Variants in RNF141 observed in about 807,000 individuals in gnomAD.
The protein encoded by RNF141 is ring finger protein 141, also known as C3HC4-like zinc finger protein.
RNF141 carries 18 observed loss-of-function variants against 27.4 expected under a neutral mutation model. That is an observed-to-expected ratio of 0.66 (90% confidence interval 0.45 to 0.97). RNF141 has a LOEUF of 0.97. Among genes scored for constraint, RNF141 ranks in the 50% least tolerant of loss-of-function variants. The pLI is 0.00. For synonymous variants in RNF141, 97 were observed against 96.6 expected, an observed-to-expected ratio of 1.00 and a Z score of -0.02; for missense variants, 230 against 279.4, an observed-to-expected ratio of 0.82 and a Z score of 1.26.
chr11:10,531,588 C>G (rs1483021488), intron 2 of RNF141, among the ~76,000 whole-genome samples: 7 of 152,144 alleles, frequency 4.6e-5, no homozygotes, highest in African/African-American at 1.7e-4. Flanking sequence ...CTCTACTGTC[C>G]TCCCCTAGCA....
chr11:10,523,489 TAATC>T (rs1422616958), intron 4 of RNF141, among the ~76,000 whole-genome samples: 1 of 152,224 alleles, frequency 6.6e-6, no homozygotes, highest in Non-Finnish European at 1.5e-5. Context: ...ACCCTGTAAG[TAATC>T]AATAAATGTA....
chr11:10,531,159 G>A (rs998662160), intron 2 of RNF141, among the ~76,000 whole-genome samples: 1 of 151,982 alleles, frequency 6.6e-6, no homozygotes, highest in Non-Finnish European at 1.5e-5. Context: ...GGCAGATCAC[G>A]AGGTCAGGAG....
intron 2 of RNF141, chr11:10,532,035 A>T (rs1413909310): frequency 1.5e-5 from 7 of 451,806 alleles, no homozygotes; most frequent in Non-Finnish European, 3.1e-5. Context: ...TAAAAGGAAG[A>T]CCTCTGTATC....
At chr11:10,533,226 T>A (rs1354411513) in intron 2 of RNF141, among the ~76,000 whole-genome samples, 1 of 152,186 alleles carries the variant, frequency 6.6e-6, no homozygotes, top group Non-Finnish European at 1.5e-5. Context: ...AAAAGTCATA[T>A]TTTAAAAGCA....
At chr11:10,522,897 T>A (rs1849901191) in intron 4 of RNF141, among the ~76,000 whole-genome samples, 1 of 152,200 alleles carries the variant, frequency 6.6e-6, no homozygotes, top group Non-Finnish European at 1.5e-5. Context: ...CAGTTTGATT[T>A]GTCAAAAAAA....
rs1564864731 is a variant in RNF141 at position 10,514,952 on chromosome 11, G to T, written c.657C>A (p.Asn219Lys). 1 of 1,613,754 alleles carries T rather than the reference G, an allele frequency of 6.2e-7. No individual in the cohort carries two copies. Among genetic ancestry groups the T allele is most frequent in the Non-Finnish European group, 8.5e-7 (1 of 1,179,854 alleles). The change falls in exon 6 of 6, where the codon AAC becomes AAA. Residue 219 changes from asparagine to lysine, a missense_variant. Physicochemically the swap from Asn to Lys is moderately conservative, Grantham distance 94. Coordinates refer to ENST00000265981, the MANE Select transcript of RNF141 (RefSeq NM_016422.4). ...TEDDMANYIL[N>K]MADEAGQPHR... Reference sequence around the variant, plus strand: ...GGGGCTGGCCTGCCTCATCAGCCATGTTAAGAATATAGTTAGCCATATCAT... The same window carrying T: ...GGGGCTGGCCTGCCTCATCAGCCATTTTAAGAATATAGTTAGCCATATCAT...
chr11:10,522,230 T>C (rs1469248531), intron 4 of RNF141, among the ~76,000 whole-genome samples: 1 of 152,206 alleles, frequency 6.6e-6, no homozygotes, highest in Non-Finnish European at 1.5e-5. Context: ...AGTTTCTCAG[T>C]AGCAGAGAAT....
At position 10,530,683 on chromosome 11, in the gene RNF141, G is replaced by A; in HGVS notation, c.212C>T (p.Ser71Phe). 1 of 1,611,872 alleles carries A rather than the reference G, an allele frequency of 6.2e-7. No individual in the cohort carries two copies. Among genetic ancestry groups the A allele is most frequent in the Admixed American group, 1.7e-5 (1 of 59,838 alleles). The change falls in exon 3 of 6, where the codon TCT becomes TTT. Residue 71 changes from serine (S) to phenylalanine (F), a missense_variant. By Grantham distance (155) the Ser-to-Phe change is radical. Transcript: ENST00000265981. ...LFEVQPGSDSSAFWKVVVRVV... is the reference protein window; with the variant it reads ...LFEVQPGSDSFAFWKVVVRVV... ...CCGTACAACCACTTTCCAAAAAGCA[G>A]AGGAATCAGACCCAGGTTGTACCTC...
intron 5 of RNF141, 85 bp downstream of exon 5, chr11:10,518,949 C>A: frequency 1.1e-6 from 1 of 895,942 alleles, no homozygotes; most frequent in South Asian, 1.5e-5. Context: ...TACTTAACTA[C>A]AGTATTTTTG....
intron 3 of RNF141, among the ~76,000 whole-genome samples, chr11:10,527,177 G>T (rs1849943381): frequency 1.3e-5 from 2 of 152,192 alleles, no homozygotes; most frequent in Non-Finnish European, 2.9e-5. Context: ...TATGTGCACT[G>T]CTCTAGGCAC....
At position 10,514,592 on chromosome 11, in the gene RNF141, GC is replaced by G. The variant is rs944043476; in HGVS notation, c.*323del. The G allele has an allele frequency of 1.0e-5, 2 of 197,116 alleles. No individual in the cohort carries two copies. Among genetic ancestry groups the G allele is most frequent in the African/African-American group, 2.3e-5 (1 of 43,094 alleles). 12.2% of individuals were successfully genotyped at this position (197,116 alleles called of 1,614,324 possible). A position where few individuals can be genotyped will look rare whatever the true frequency, so the allele number is the denominator to read the frequency against. On this transcript the variant is annotated 3_prime_UTR_variant, in exon 6 of 6. Coordinates refer to ENST00000265981, the MANE Select transcript of RNF141 (RefSeq NM_016422.4). ...AAAGATTCCAGAATACTCCTGCCCT[GC>G]AAAACAGTAGTGTTTTAGAAGCCTC... is the stretch of plus-strand genomic sequence containing the variant.
intron 2 of RNF141, among the ~76,000 whole-genome samples, chr11:10,531,123 T>G (rs1399507956): frequency 6.6e-6 from 1 of 152,122 alleles, no homozygotes; most frequent in African/African-American, 2.4e-5. Context: ...ACACCTGTAA[T>G]CCCAGCACTT....
chr11:10,530,660 G>T lies in RNF141; in HGVS notation c.235C>A (p.Arg79=). ...DSSAFWKVVV[R]VVCTKINKSS... The stretch of plus-strand genomic sequence containing the variant: ...AGTCTCACCTTGGTACAGACCACCC[G>T]TACAACCACTTTCCAAAAAGCAGAG... The change falls in exon 3 of 6, where the codon CGG becomes AGG. Residue 79 remains arginine, a synonymous_variant. Coordinates refer to ENST00000265981, the MANE Select transcript of RNF141 (RefSeq NM_016422.4). 1 of 1,608,034 alleles carries T rather than the reference G, an allele frequency of 6.2e-7. No individual in the cohort carries two copies. The highest frequency in any genetic ancestry group is 8.5e-7 in the Non-Finnish European group (1 of 1,175,898).
intron 4 of RNF141, among the ~76,000 whole-genome samples, chr11:10,522,852 T>G (rs568307837): frequency 1.3e-5 from 2 of 152,346 alleles, no homozygotes; most frequent in East Asian, 3.9e-4. Flanking sequence ...ACTACAGTTA[T>G]CAACCTCTGT....
At chr11:10,533,586 A>C (rs901196721) in intron 2 of RNF141, among the ~76,000 whole-genome samples, 7 of 152,188 alleles carry the variant, frequency 4.6e-5, no homozygotes, top group African/African-American at 1.4e-4. Context: ...CACACACATG[A>C]ATGAATTGCT....
intron 2 of RNF141, among the ~76,000 whole-genome samples, chr11:10,533,179 C>G (rs1850003391): frequency 6.6e-6 from 1 of 152,154 alleles, no homozygotes. Flanking sequence ...GATATGACAT[C>G]TGCCCAATTG....
At chr11:10,517,644 G>C (rs1849853212) in intron 5 of RNF141, 1 of 151,910 alleles carries the variant, frequency 6.6e-6, no homozygotes, top group Admixed American at 6.6e-5. Context: ...ACCTACAGAG[G>C]AAAAAAGGAT....
At chr11:10,535,180 A>G (rs1039228956) in intron 1 of RNF141, among the ~76,000 whole-genome samples, 2 of 151,956 alleles carry the variant, frequency 1.3e-5, no homozygotes, top group African/African-American at 4.8e-5. Flanking sequence ...AAGTTTTGGT[A>G]GGAAGATTGC....
chr11:10,520,926 C>A (rs1431417155), intron 4 of RNF141, among the ~76,000 whole-genome samples: 2 of 152,198 alleles, frequency 1.3e-5, no homozygotes, highest in Non-Finnish European at 2.9e-5. Flanking sequence ...TAACACAAAG[C>A]TCCCTAAAAT....
Sources: allele counts gnomAD v4.1 joint callset (sites outside exome capture counted in the v4.1 genomes callset), GRCh38; gene constraint gnomAD v4.1.1; transcripts MANE v1.5; gene names NCBI Gene and HGNC (gene_info 2026-07-23, HGNC 2026-07-21).